Variants in APEX1 observed in about 807,000 individuals in gnomAD.
The protein encoded by APEX1 is apurinic/apyrimidinic endodeoxyribonuclease 1, also known as DNA repair nuclease/redox regulator APEX1.
A neutral mutation model predicts 33.2 loss-of-function variants in APEX1; 32 were observed. That is an observed-to-expected ratio of 0.96 (90% CI 0.73 to 1.29). The LOEUF (loss-of-function observed/expected upper bound fraction) is 1.29, where lower values mean the gene tolerates loss of function less well. Ranked by LOEUF, APEX1 falls within the 50% of genes most tolerant of loss-of-function variation. The pLI is 0.00. For synonymous variants in APEX1, 175 were observed against 156.6 expected, an observed-to-expected ratio of 1.12 and a Z score of -0.88; for missense variants, 442 against 395.6, an observed-to-expected ratio of 1.12 and a Z score of -0.99.
At position 20,456,518 on chromosome 14, in the gene APEX1, A is replaced by T; in HGVS notation, c.247-150A>T. ...ATATTTGTTTTCATTTATCTAGCTT[A>T]GAATTGTTTGAATATTGTGCTGCTT... On this transcript the variant is annotated intron_variant, in intron 3 of 4. Transcript: ENST00000216714. 4 of 766,054 alleles carry T rather than the reference A, an allele frequency of 5.2e-6. No individual in the cohort carries two copies. The Admixed American group carries it at 8.6e-5, about 16-fold the overall frequency. The allele number at this position is 766,054 out of a possible 1,614,324, so 47.5% of individuals were successfully genotyped here. A position where few individuals can be genotyped will look rare whatever the true frequency, so the allele number is the denominator to read the frequency against.
rs34632023 is a variant in APEX1, at chr14:20,455,971, G to A, written c.116G>A (p.Gly39Glu). The change falls in exon 3 of 5, where the codon GGA (glycine) becomes GAA (glutamate). Residue 39 changes from glycine to glutamate, a missense_variant. Transcript: ENST00000216714. ...AAKKNDKEAA[G>E]EGPALYEDPP... ...AAGAAAAATGACAAAGAGGCAGCAG[G>A]AGAGGGCCCAGCCCTGTATGAGGAC... The A allele has an allele frequency of 3.7e-6, 6 of 1,614,190 alleles. No individual in the cohort carries two copies. Among genetic ancestry groups the A allele is most frequent in the Non-Finnish European group, 5.1e-6 (6 of 1,180,036 alleles).
intron 1 of APEX1, 37 bp downstream of exon 1, chr14:20,455,431 G>A: frequency 1.4e-6 from 1 of 701,214 alleles, no homozygotes; most frequent in Non-Finnish European, 2.4e-6. Flanking sequence ...TTTCGTGGGT[G>A]AGGGGCTGAA....
intron 3 of APEX1, 64 bp downstream of exon 3, chr14:20,456,165 C>T: frequency 6.4e-7 from 1 of 1,567,998 alleles, no homozygotes; most frequent in Admixed American, 1.7e-5. Context: ...TTTAGTCACC[C>T]CTTTTCTCCG....
In APEX1 at chr14:20,456,823, T is replaced by A. The variant is rs917196169; in HGVS notation, c.402T>A (p.Leu134=). ...DKEGYSGVGL[L]SRQCPLKVSY... ...AAGGGTACAGTGGCGTGGGCCTGCT[T>A]TCCCGCCAGTGCCCACTCAAAGTTT... The change falls in exon 4 of 5, where the codon CTT becomes CTA. Residue 134 remains leucine, a synonymous_variant. Coordinates refer to ENST00000216714, the MANE Select transcript of APEX1 (RefSeq NM_001641.4). 1.1e-5 allele frequency: 17 copies of A among 1,614,030 alleles called. No homozygotes were observed. The highest frequency in any genetic ancestry group is 1.3e-5 in the African/African-American group (1 of 74,946).
In APEX1 at chr14:20,457,366, A is replaced by G; in HGVS notation, c.815A>G (p.Asn272Ser). Reference protein sequence around the residue: ...YAYTFWTYMMNARSKNVGWRL... With the variant: ...YAYTFWTYMMSARSKNVGWRL... Reference sequence around the variant, plus strand: ...TACACCTTTTGGACTTATATGATGAATGCTCGATCCAAGAATGTTGGTTGG... The same window carrying G: ...TACACCTTTTGGACTTATATGATGAGTGCTCGATCCAAGAATGTTGGTTGG... Residue 272 changes from asparagine to serine, a missense_variant, in exon 5 of 5, where the codon AAT becomes AGT. Physicochemically the swap from Asn to Ser is conservative, Grantham distance 46. Coordinates refer to ENST00000216714, the MANE Select transcript of APEX1 (RefSeq NM_001641.4). 2 of 1,614,198 alleles carry G rather than the reference A, an allele frequency of 1.2e-6. No individual in the cohort carries two copies. Among genetic ancestry groups the G allele is most frequent in the Middle Eastern group, 1.6e-4 (1 of 6,062 alleles).
chr14:20,456,350 C>T (rs1881350667), intron 3 of APEX1, among the ~76,000 whole-genome samples: 1 of 152,208 alleles, frequency 6.6e-6, no homozygotes, highest in Non-Finnish European at 1.5e-5. Flanking sequence ...ATACTTCCTC[C>T]ATTTTATCTT....
intron 3 of APEX1, 79 bp downstream of exon 3, chr14:20,456,180 G>C (rs1002463226): frequency 1.3e-6 from 2 of 1,521,818 alleles, no homozygotes; most frequent in East Asian, 2.3e-5. Flanking sequence ...TCTCCGTTTA[G>C]CCTTCAGGCT....
rs1881438706 is a variant in APEX1 at position 20,457,190 on chromosome 14, G to A, written c.639G>A (p.Val213=). 6.2e-7 allele frequency: 1 copy of A among 1,614,174 alleles called. No individual in the cohort carries two copies. The highest frequency in any genetic ancestry group is 1.7e-5 in the Admixed American group (1 of 60,028). ...TTGTGCTGTGTGGAGACCTCAATGT[G>A]GCACATGAAGAAATTGACCTTCGCA... The part of the protein sequence containing the change: ...KPLVLCGDLN[V]AHEEIDLRNP... The change falls in exon 5 of 5, where the codon GTG becomes GTA. Residue 213 remains valine, a synonymous_variant. Coordinates refer to ENST00000216714, the MANE Select transcript of APEX1 (RefSeq NM_001641.4).
rs1881470336 is a variant in APEX1 at position 20,457,580 on chromosome 14, C to T, written c.*72C>T. The T allele has an allele frequency of 1.9e-6, 3 of 1,550,592 alleles. No individual in the cohort carries two copies. Among genetic ancestry groups the T allele is most frequent in the South Asian group, 1.1e-5 (1 of 89,516 alleles). ...TACCATTCCTTCTTTAAACACTCTT[C>T]AGAGAAATCTGCATTCTATTTCTCA... is the stretch of plus-strand genomic sequence containing the variant. On this transcript the variant is annotated 3_prime_UTR_variant, in exon 5 of 5. Coordinates refer to ENST00000216714, the MANE Select transcript of APEX1 (RefSeq NM_001641.4).
Position 20,457,722 on chromosome 14 carries a change from G to A in APEX1, c.*214G>A. 1 of 638,432 alleles carries A rather than the reference G, an allele frequency of 1.6e-6. No individual in the cohort carries two copies. The highest frequency in any genetic ancestry group is 2.0e-5 in the South Asian group (1 of 50,814). 39.5% of individuals were successfully genotyped at this position (638,432 alleles called of 1,614,324 possible). A position where few individuals can be genotyped will look rare whatever the true frequency, so the allele number is the denominator to read the frequency against. On this transcript the variant is annotated 3_prime_UTR_variant, in exon 5 of 5. Transcript: ENST00000216714. ...AAAAAATTGAACAAAGACTACTAATGACTTTGTTTGAATTATCCACATGAA... is the reference window on the plus strand; with the variant it reads ...AAAAAATTGAACAAAGACTACTAATAACTTTGTTTGAATTATCCACATGAA...
In APEX1 at chr14:20,457,523, C is replaced by T. The variant is rs942701110; in HGVS notation, c.*15C>T. 2 of 1,612,720 alleles carry T rather than the reference C, an allele frequency of 1.2e-6. No homozygotes were observed. Among genetic ancestry groups the T allele is most frequent in the South Asian group, 1.1e-5 (1 of 91,062 alleles). ...TAGCACTGTGACACCACCCCTAAAT[C>T]ACTTTGAGCCTGGGAAATAAGCCCC... On this transcript the variant is annotated 3_prime_UTR_variant, in exon 5 of 5. Transcript: ENST00000216714.
In APEX1 at chr14:20,457,165, T is replaced by C. The variant is rs773300664; in HGVS notation, c.614T>C (p.Leu205Pro). The C allele has an allele frequency of 1.2e-6, 2 of 1,614,184 alleles. No individual in the cohort carries two copies. Among genetic ancestry groups the C allele is most frequent in the Non-Finnish European group, 1.7e-6 (2 of 1,180,034 alleles). ...AAGGGCCTGGCTTCCCGAAAGCCCC[T>C]TGTGCTGTGTGGAGACCTCAATGTG... Reference protein sequence around the residue: ...FLKGLASRKPLVLCGDLNVAH... With the variant: ...FLKGLASRKPPVLCGDLNVAH... The change falls in exon 5 of 5, where the codon CTT becomes CCT. Residue 205 changes from leucine (L) to proline (P), a missense_variant. Leu to Pro is a moderately conservative substitution (Grantham distance 98). Coordinates refer to ENST00000216714, the MANE Select transcript of APEX1 (RefSeq NM_001641.4).
In APEX1 at chr14:20,457,577, C is replaced by T. The variant is rs1436760908; in HGVS notation, c.*69C>T. On this transcript the variant is annotated 3_prime_UTR_variant, in exon 5 of 5. Transcript: ENST00000216714. ...AACTACCATTCCTTCTTTAAACACT[C>T]TTCAGAGAAATCTGCATTCTATTTC... The T allele has an allele frequency of 9.6e-6, 15 of 1,558,942 alleles. No homozygotes were observed. Among genetic ancestry groups the T allele is most frequent in the Non-Finnish European group, 1.2e-5 (14 of 1,138,136 alleles).
In APEX1 at chr14:20,457,128, C is replaced by G; in HGVS notation, c.577C>G (p.Arg193Gly). Residue 193 changes from arginine to glycine, a missense_variant, in exon 5 of 5, where the codon CGC (arginine) becomes GGC (glycine). Coordinates refer to ENST00000216714, the MANE Select transcript of APEX1 (RefSeq NM_001641.4). ...CCGGCAGCGCTGGGATGAAGCCTTT[C>G]GCAAGTTCCTGAAGGGCCTGGCTTC... ...EYRQRWDEAF[R>G]KFLKGLASRK... 1.2e-6 allele frequency: 2 copies of G among 1,614,184 alleles called. No individual in the cohort carries two copies. Among genetic ancestry groups the G allele is most frequent in the Non-Finnish European group, 1.7e-6 (2 of 1,180,042 alleles).
At chr14:20,455,543 C>A in intron 1 of APEX1, 35 bp from the exon 2 acceptor site, 1 of 1,594,046 alleles carries the variant, frequency 6.3e-7, no homozygotes. Context: ...TTCTCCCCAG[C>A]CTTAGCTGGT....
intron 1 of APEX1, 36 bp from the exon 2 acceptor site, chr14:20,455,542 G>T: frequency 1.3e-6 from 2 of 1,593,794 alleles, no homozygotes; most frequent in East Asian, 2.3e-5. Flanking sequence ...CTTCTCCCCA[G>T]CCTTAGCTGG....
rs1027965485 is a variant in APEX1 at position 20,455,601 on chromosome 14, C to T, written c.-45C>T. Reference sequence around the variant, plus strand: ...AGGCAACGCGGTAAAAATATTGCTTCGGTGGGTGACGCGGTACAGCTGCCC... The same window carrying T: ...AGGCAACGCGGTAAAAATATTGCTTTGGTGGGTGACGCGGTACAGCTGCCC... On this transcript the variant is annotated 5_prime_UTR_variant, in exon 2 of 5. Transcript: ENST00000216714. 4 of 1,612,372 alleles carry T rather than the reference C, an allele frequency of 2.5e-6. 1 individual carries two copies. In the South Asian group the frequency reaches 3.3e-5, roughly 13 times the overall value.
In APEX1 at chr14:20,457,314, C is replaced by T; in HGVS notation, c.763C>T (p.His255Tyr). The T allele has an allele frequency of 6.2e-7, 1 of 1,614,202 alleles. No homozygotes were observed. ...QAVPLADSFR[H>Y]LYPNTPYAYT... The stretch of plus-strand genomic sequence containing the variant: ...TGTGCCACTGGCTGACAGCTTTAGG[C>T]ACCTCTACCCCAACACACCCTATGC... Residue 255 changes from histidine (H) to tyrosine (Y), a missense_variant, in exon 5 of 5, where the codon CAC (histidine) becomes TAC (tyrosine). His to Tyr is a moderately conservative substitution (Grantham distance 83). Transcript: ENST00000216714.
Position 20,456,994 on chromosome 14 carries a change from A to AG in APEX1, c.443_444insG (p.Asp148GlufsTer2). On this transcript the variant is annotated frameshift_variant, in exon 5 of 5. Transcript: ENST00000216714. LOFTEE classifies it high-confidence loss of function. ...TAATTCTGTTTCATTTCTATAGGCG[A>AG]TGAGGAGCATGATCAGGAAGGCCGG... 5 of 1,613,768 alleles carry AG rather than the reference A, an allele frequency of 3.1e-6. No homozygotes were observed. Among genetic ancestry groups the AG allele is most frequent in the Non-Finnish European group, 4.2e-6 (5 of 1,179,830 alleles).
Sources: allele counts gnomAD v4.1 joint callset (sites outside exome capture counted in the v4.1 genomes callset), GRCh38; gene constraint gnomAD v4.1.1; transcripts MANE v1.5; gene names NCBI Gene and HGNC (gene_info 2026-07-23, HGNC 2026-07-21).